ESRRG: variants seen among roughly 807,000 people sequenced by gnomAD.
ESRRG encodes estrogen related receptor gamma.
A neutral mutation model predicts 44.0 loss-of-function variants in ESRRG; 13 were observed. The ratio of observed to expected loss-of-function variants is 0.30; its 90% CI spans 0.19 to 0.47. ESRRG has a LOEUF of 0.47. Among genes scored for constraint, ESRRG ranks in the 20% least tolerant of loss-of-function variants. The pLI is 1.00. For synonymous variants in ESRRG, 215 were observed against 214.6 expected (o/e 1.00, Z -0.02); for missense variants, 395 against 580.6 (o/e 0.68, Z 3.29).
chr1:216,816,128 G>A (rs2148534949), intron 2 of ESRRG, among the ~76,000 whole-genome samples: 1 of 152,258 alleles, frequency 6.6e-6, no homozygotes, highest in African/African-American at 2.4e-5. Context: ...AGCATTCATC[G>A]TGGGTCATCA....
At chr1:216,574,916 T>A (rs2061431827) in intron 3 of ESRRG, among the ~76,000 whole-genome samples, 1 of 152,074 alleles carries the variant, frequency 6.6e-6, no homozygotes. Flanking sequence ...TAAAGCCACC[T>A]CCCTCCTTCC....
At chr1:216,948,573 C>T (rs1269412838) in intron 1 of ESRRG, among the ~76,000 whole-genome samples, 2 of 151,244 alleles carry the variant, frequency 1.3e-5, no homozygotes, top group Non-Finnish European at 2.9e-5. Flanking sequence ...GCTAATATTT[C>T]CAGATTATCT....
chr1:216,838,037 T>C (rs1359126806), intron 2 of ESRRG, among the ~76,000 whole-genome samples: 1 of 152,184 alleles, frequency 6.6e-6, no homozygotes, highest in Non-Finnish European at 1.5e-5. Flanking sequence ...TTCCCCAGAA[T>C]TATGCCTTAT....
chr1:216,919,356 T>C (rs573928852), intron 2 of ESRRG, among the ~76,000 whole-genome samples: 1 of 152,298 alleles, frequency 6.6e-6, no homozygotes, highest in South Asian at 2.1e-4. Context: ...TTTGTCAAAA[T>C]GTTAATCATT....
intron 1 of ESRRG, among the ~76,000 whole-genome samples, chr1:217,053,462 A>AT (rs2086478858): frequency 1.0e-5 from 1 of 97,852 alleles, no homozygotes; most frequent in Non-Finnish European, 2.1e-5. Context: ...CCCAAAGCCA[A>AT]AAAAAAGAAA....
intron 2 of ESRRG, among the ~76,000 whole-genome samples, chr1:216,843,983 C>T (rs1577159441): frequency 6.6e-6 from 1 of 151,842 alleles, no homozygotes; most frequent in Non-Finnish European, 1.5e-5. Context: ...CATTTTACCT[C>T]ATGCACTGTT....
intron 4 of ESRRG, among the ~76,000 whole-genome samples, chr1:216,566,856 G>T (rs75843768): frequency 6.6e-6 from 1 of 152,256 alleles, no homozygotes; most frequent in Admixed American, 6.5e-5. Context: ...TATGCCATAT[G>T]TTCACTTAAG....
chr1:216,839,979 G>A (rs1008120604), intron 2 of ESRRG, among the ~76,000 whole-genome samples: 18 of 152,118 alleles, frequency 1.2e-4, no homozygotes, highest in Non-Finnish European at 1.5e-4. Context: ...AATGGTAAAC[G>A]AGCAATGACT....
At chr1:217,061,754 A>T (rs564901068) in intron 1 of ESRRG, among the ~76,000 whole-genome samples, 16 of 152,308 alleles carry the variant, frequency 1.1e-4, no homozygotes, top group Non-Finnish European at 1.3e-4. Context: ...TAATGCCAAG[A>T]TACCTCCTCT....
intron 1 of ESRRG, among the ~76,000 whole-genome samples, chr1:217,073,320 G>T (rs536280121): frequency 1.3e-5 from 2 of 149,296 alleles, no homozygotes; most frequent in Non-Finnish European, 3.0e-5. Context: ...TAACTGCTTT[G>T]ATTCAGTTCT....
intron 3 of ESRRG, among the ~76,000 whole-genome samples, chr1:216,603,139 T>G (rs2059465287): frequency 6.6e-6 from 1 of 152,222 alleles, no homozygotes; most frequent in Admixed American, 6.5e-5. Flanking sequence ...AAAATCCCAT[T>G]TTAATGATTA....
chr1:216,651,559 C>T (rs1361932450), intron 2 of ESRRG, among the ~76,000 whole-genome samples: 1 of 152,050 alleles, frequency 6.6e-6, no homozygotes, highest in Non-Finnish European at 1.5e-5. Flanking sequence ...GATATGTAAA[C>T]AAATATGGCA....
At chr1:216,585,996 T>C (rs2063715190) in intron 3 of ESRRG, among the ~76,000 whole-genome samples, 1 of 150,546 alleles carries the variant, frequency 6.6e-6, no homozygotes, top group Non-Finnish European at 1.5e-5. Context: ...GCCGAGACTG[T>C]GCCACTGCAC....
chr1:217,056,730 A>G (rs1343037701), intron 1 of ESRRG, among the ~76,000 whole-genome samples: 3 of 151,024 alleles, frequency 2.0e-5, no homozygotes, highest in African/African-American at 7.3e-5. Flanking sequence ...CTAGATAACA[A>G]AACCCCAAAT....
At chr1:217,088,061 AAG>A (rs979825188) in intron 1 of ESRRG, among the ~76,000 whole-genome samples, 2 of 151,770 alleles carry the variant, frequency 1.3e-5, no homozygotes, top group African/African-American at 2.4e-5. Flanking sequence ...AAAAAAAAAA[AAG>A]AGAGAGAACC....
intron 3 of ESRRG, among the ~76,000 whole-genome samples, chr1:216,578,567 A>G (rs11117627): frequency 0.39 from 58,929 of 151,708 alleles, 11,571 homozygotes; most frequent in East Asian, 0.48. Context: ...AATTAGAAGG[A>G]TACTCTAAAA....
rs1339556822 is a variant in ESRRG at position 216,999,625 on chromosome 1, T to C, written c.-105-59952A>G. ...ATTTAAAAAACTAAAAAAGATCCAG[T>C]ATTTTACCAACACCCTGGCTGAAAA... On this transcript the variant is annotated intron_variant, in intron 1 of 7. Transcript: ENST00000359162. Among the ~76,000 whole-genome samples the C allele has an allele frequency of 2.0e-5, 3 of 152,320 alleles. No homozygotes were observed. In the East Asian group the frequency reaches 5.8e-4, roughly 29 times the overall value.
intron 2 of ESRRG, among the ~76,000 whole-genome samples, chr1:216,832,685 T>C (rs67672127): frequency 0.24 from 36,873 of 152,046 alleles, 5,211 homozygotes; most frequent in African/African-American, 0.38. Context: ...CTCTACTGGC[T>C]GGGTGCAGTG....
At chr1:216,870,253 CTTT>C (rs35814014) in intron 2 of ESRRG, among the ~76,000 whole-genome samples, 1 of 133,368 alleles carries the variant, frequency 7.5e-6, no homozygotes. Context: ...TGTCAATGTG[CTTT>C]TTTTTTTTTT....
Sources: allele counts gnomAD v4.1 joint callset (sites outside exome capture counted in the v4.1 genomes callset), GRCh38; gene constraint gnomAD v4.1.1; transcripts MANE v1.5; gene names NCBI Gene and HGNC (gene_info 2026-07-23, HGNC 2026-07-21).